The following GSTCD variants were observed in gnomAD, a reference collection of about 807,000 sequenced individuals.
GSTCD encodes glutathione S-transferase C-terminal domain containing.
Under a neutral mutation model 68.3 loss-of-function variants are expected in GSTCD, and 44 were observed. That is an observed-to-expected ratio of 0.64 (90% CI 0.51 to 0.83). The LOEUF is 0.83. GSTCD is among the 40% of genes least tolerant of loss of function. The pLI is 0.00. For synonymous variants in GSTCD, 273 were observed against 255.2 expected (o/e 1.07, Z -0.67); for missense variants, 739 against 735.9 (o/e 1.00, Z -0.05).
chr4:105,796,274 C>A (rs933305625), intron 5 of GSTCD, among the ~76,000 whole-genome samples: 1 of 152,110 alleles, frequency 6.6e-6, no homozygotes, highest in Non-Finnish European at 1.5e-5. Flanking sequence ...ATTTATTCAC[C>A]ATTGTGAGAA....
intron 5 of GSTCD, among the ~76,000 whole-genome samples, chr4:105,745,660 A>C (rs759801875): frequency 6.6e-5 from 10 of 152,212 alleles, no homozygotes; most frequent in Non-Finnish European, 1.5e-4. Flanking sequence ...TAAGCCACTT[A>C]ATCCATGCAT....
chr4:105,777,995 G>A (rs1028676012), intron 5 of GSTCD, among the ~76,000 whole-genome samples: 2 of 152,056 alleles, frequency 1.3e-5, no homozygotes, highest in Non-Finnish European at 2.9e-5. Flanking sequence ...TTGAATAAAG[G>A]CTTATAGGAA....
At chr4:105,760,032 G>A (rs1418705364) in intron 5 of GSTCD, among the ~76,000 whole-genome samples, 1 of 151,984 alleles carries the variant, frequency 6.6e-6, no homozygotes, top group Non-Finnish European at 1.5e-5. Context: ...ACAGTGCAAA[G>A]ACAGGAAACC....
At chr4:105,709,305 A>C (rs1732434831) in intron 1 of GSTCD, 1 of 152,486 alleles carries the variant, frequency 6.6e-6, no homozygotes, top group Non-Finnish European at 1.5e-5. Flanking sequence ...GAAATGGGGC[A>C]GCTTCCAGTT....
At chr4:105,730,505 A>AT (rs920652242) in intron 5 of GSTCD, among the ~76,000 whole-genome samples, 11 of 151,992 alleles carry the variant, frequency 7.2e-5, no homozygotes, top group African/African-American at 2.2e-4. Flanking sequence ...GATGATGAAC[A>AT]TTTTTTCATG....
rs1008139482 is a variant in GSTCD at position 105,778,365 on chromosome 4, C to T, written c.1241-44589C>T. ...ACACATGCACACGTCATCTTTCACA[C>T]TAACTTGAAGGATCTCTGTATGGCA... On this transcript the variant is annotated intron_variant, in intron 5 of 11. Coordinates refer to ENST00000515279, the MANE Select transcript of GSTCD (RefSeq NM_001370181.1). Among the ~76,000 whole-genome samples, 9 of 152,100 alleles carry T rather than the reference C, an allele frequency of 5.9e-5. 1 individual carries two copies.
At chr4:105,791,409 AG>A (rs200214617) in intron 5 of GSTCD, among the ~76,000 whole-genome samples, 5,104 of 148,084 alleles carry the variant, frequency 0.034, 93 homozygotes, top group Middle Eastern at 0.084. Context: ...AAAAAAAAAA[AG>A]AAAAAAGGAA....
chr4:105,803,151 G>T (rs533025401), intron 5 of GSTCD, among the ~76,000 whole-genome samples: 4 of 152,052 alleles, frequency 2.6e-5, no homozygotes, highest in Non-Finnish European at 5.9e-5. Context: ...CAAAACATTT[G>T]TTCCTTTCAC....
intron 5 of GSTCD, among the ~76,000 whole-genome samples, chr4:105,790,176 C>G (rs1735609677): frequency 6.6e-6 from 1 of 151,990 alleles, no homozygotes; most frequent in African/African-American, 2.4e-5. Context: ...TAGAGACCTC[C>G]CAGTTAAAAC....
intron 2 of GSTCD, among the ~76,000 whole-genome samples, chr4:105,718,287 C>T (rs1228144428): frequency 6.6e-6 from 1 of 152,118 alleles, no homozygotes; most frequent in Non-Finnish European, 1.5e-5. Flanking sequence ...GTCGTGGGGG[C>T]AGATGCCTCG....
chr4:105,739,287 C>G (rs189806414), intron 5 of GSTCD, among the ~76,000 whole-genome samples: 15 of 152,096 alleles, frequency 9.9e-5, no homozygotes, highest in Admixed American at 4.6e-4. Flanking sequence ...GGATATTGGC[C>G]TATAGTTTTC....
chr4:105,709,792 C>T (rs4699196), intron 1 of GSTCD, among the ~76,000 whole-genome samples: 57,333 of 151,972 alleles, frequency 0.38, 15,640 homozygotes, highest in African/African-American at 0.77. Context: ...TTCTATTTTA[C>T]CTAAGCTTAT....
Position 105,834,554 on chromosome 4 carries a change from G to A in GSTCD, c.1624G>A (p.Gly542Ser), listed in dbSNP as rs1578522735. 1 of 1,614,030 alleles carries A rather than the reference G, an allele frequency of 6.2e-7. No homozygotes were observed. Among genetic ancestry groups the A allele is most frequent in the East Asian group, 2.2e-5 (1 of 44,870 alleles). The change falls in exon 9 of 12, where the codon GGT becomes AGT. Residue 542 changes from glycine (G) to serine (S), a missense_variant. Transcript: ENST00000515279. The stretch of plus-strand genomic sequence containing the variant: ...CTTCGTCACATGCCCTTGCTGTTAT[G>A]GTTTCATTCAGAACACCTCAAAGTT... ...ASFVTCPCCY[G>S]FIQNTSKFNF...
At chr4:105,788,432 T>C in intron 5 of GSTCD, among the ~76,000 whole-genome samples, 1 of 152,114 alleles carries the variant, frequency 6.6e-6, no homozygotes, top group Admixed American at 6.5e-5. Context: ...TTGTTCTGTT[T>C]TCTCTAATAA....
At chr4:105,770,274 G>A (rs1346906376) in intron 5 of GSTCD, among the ~76,000 whole-genome samples, 1 of 151,690 alleles carries the variant, frequency 6.6e-6, no homozygotes. Context: ...CGTTTAGACT[G>A]AGCGTCTTCT....
chr4:105,720,915 A>T (rs1328387296), intron 3 of GSTCD, among the ~76,000 whole-genome samples: 1 of 152,176 alleles, frequency 6.6e-6, no homozygotes, highest in Non-Finnish European at 1.5e-5. Flanking sequence ...AAATTATTTG[A>T]ATACATAAAC....
At position 105,758,656 on chromosome 4, in the gene GSTCD, T is replaced by C. The variant is rs142956631; in HGVS notation, c.1240+29157T>C. 2.7e-3 allele frequency among the ~76,000 whole-genome samples: 415 copies of C among 152,284 alleles called. 1 individual carries two copies. Among genetic ancestry groups the C allele is most frequent in the African/African-American group, 9.0e-3 (374 of 41,568 alleles). ...TAAATTACCCATTCTCAGGTATTTC[T>C]TTATAGTAGTGCAAGAATGGCCTCA... On this transcript the variant is annotated intron_variant, in intron 5 of 11. Transcript: ENST00000515279.
intron 5 of GSTCD, among the ~76,000 whole-genome samples, chr4:105,758,859 T>G (rs1734293393): frequency 6.6e-6 from 1 of 152,180 alleles, no homozygotes; most frequent in Non-Finnish European, 1.5e-5. Context: ...TTTTTATAAG[T>G]TTTACAGGCT....
chr4:105,840,234 T>C, intron 10 of GSTCD: 1 of 455,066 alleles, frequency 2.2e-6, no homozygotes, highest in Non-Finnish European at 4.4e-6. Flanking sequence ...ATAAAATGAA[T>C]CTTAATTTAC....
Sources: gnomAD v4.1 joint callset for allele counts (sites outside exome capture counted in the v4.1 genomes callset) on GRCh38, gnomAD v4.1.1 for gene constraint, MANE v1.5 for transcripts, NCBI Gene and HGNC (gene_info 2026-07-23, HGNC 2026-07-21) for gene names.